Variants in ERBB4 observed in about 807,000 individuals in gnomAD.
ERBB4 encodes the protein receptor tyrosine-protein kinase erbB-4.
In ERBB4, 42 loss-of-function variants were observed where a neutral mutation model predicts 158.0. The ratio of observed to expected loss-of-function variants is 0.27; its 90% CI spans 0.21 to 0.34. The LOEUF (loss-of-function observed/expected upper bound fraction) is 0.34. Ranked by LOEUF, ERBB4 falls within the 10% of genes least tolerant of loss-of-function variation. The pLI, the probability that ERBB4 is intolerant of heterozygous loss-of-function variation, is 1.00. For synonymous variants in ERBB4, 583 were observed against 558.7 expected (o/e 1.04, Z -0.61); for missense variants, 1,333 against 1,624.1 (o/e 0.82, Z 3.08).
At position 211,501,037 on chromosome 2, in the gene ERBB4, C is replaced by A. The variant is rs558045964; in HGVS notation, c.2487+60866G>T. 2.0e-5 allele frequency among the ~76,000 whole-genome samples: 3 copies of A among 151,858 alleles called. No individual in the cohort carries two copies. In the South Asian group the frequency reaches 6.2e-4, roughly 32 times the overall value. On this transcript the variant is annotated intron_variant, in intron 20 of 27. Coordinates refer to ENST00000342788, the MANE Select transcript of ERBB4 (RefSeq NM_005235.3). ...AAGGCCATTGTTTGTTCATTATGTG[C>A]AATTCCATTAAGAACATTACCTAGT...
At chr2:212,197,227 T>A (rs773202343) in intron 1 of ERBB4, among the ~76,000 whole-genome samples, 3 of 152,188 alleles carry the variant, frequency 2.0e-5, no homozygotes, top group Non-Finnish European at 4.4e-5. Context: ...TAGAAACATA[T>A]TCAATTGCCT....
At position 211,383,469 on chromosome 2, in the gene ERBB4, C is replaced by A; in HGVS notation, c.*146G>T. The stretch of plus-strand genomic sequence containing the variant: ...CTCTAATGTTCAAGTTAGGTAAGCA[C>A]ATAACTATCATTGCATCTCTGTATC... On this transcript the variant is annotated 3_prime_UTR_variant, in exon 28 of 28. Transcript: ENST00000342788. 1 of 685,560 alleles carries A rather than the reference C, an allele frequency of 1.5e-6. No individual in the cohort carries two copies. Among genetic ancestry groups the A allele is most frequent in the Non-Finnish European group, 2.6e-6 (1 of 385,604 alleles). 42.5% of individuals were successfully genotyped at this position (685,560 alleles called of 1,614,324 possible). A position where few individuals can be genotyped will look rare whatever the true frequency, so the allele number is the denominator to read the frequency against.
intron 2 of ERBB4, among the ~76,000 whole-genome samples, chr2:212,064,678 G>T (rs188853973): frequency 6.6e-6 from 1 of 152,014 alleles, no homozygotes; most frequent in South Asian, 2.1e-4. Context: ...GTTTACTTTC[G>T]CAAACTAGAG....
chr2:211,857,896 T>C (rs1427927566), intron 3 of ERBB4, among the ~76,000 whole-genome samples: 1 of 152,164 alleles, frequency 6.6e-6, no homozygotes, highest in Non-Finnish European at 1.5e-5. Flanking sequence ...AGCACACGGG[T>C]AAGGATCTCA....
At chr2:212,021,743 G>C (rs1012311430) in intron 2 of ERBB4, among the ~76,000 whole-genome samples, 3 of 151,992 alleles carry the variant, frequency 2.0e-5, no homozygotes, top group Non-Finnish European at 4.4e-5. Context: ...AAACTAAAAA[G>C]CTTCTGCAAA....
At chr2:211,853,186 G>C (rs1047369004) in intron 3 of ERBB4, among the ~76,000 whole-genome samples, 3 of 151,972 alleles carry the variant, frequency 2.0e-5, no homozygotes, top group African/African-American at 7.2e-5. Context: ...TGGAAATAGA[G>C]ATCAGATTCT....
chr2:212,428,013 T>C (rs1441526905), intron 1 of ERBB4, among the ~76,000 whole-genome samples: 1 of 152,130 alleles, frequency 6.6e-6, no homozygotes, highest in Admixed American at 6.6e-5. Flanking sequence ...AATAATGTCT[T>C]TATATTGAAG....
At chr2:212,286,218 AAACATT>A (rs1213236105) in intron 1 of ERBB4, among the ~76,000 whole-genome samples, 4 of 152,212 alleles carry the variant, frequency 2.6e-5, no homozygotes, top group Admixed American at 6.5e-5. Flanking sequence ...CTGAAGCATT[AAACATT>A]AACATTATTA....
At chr2:212,222,964 T>C (rs2083346246) in intron 1 of ERBB4, among the ~76,000 whole-genome samples, 1 of 151,500 alleles carries the variant, frequency 6.6e-6, no homozygotes. Context: ...ATGCATATGC[T>C]TTTGCTTTTT....
At chr2:212,208,764 C>T (rs1396369971) in intron 1 of ERBB4, among the ~76,000 whole-genome samples, 1 of 152,126 alleles carries the variant, frequency 6.6e-6, no homozygotes, top group Admixed American at 6.6e-5. Flanking sequence ...TCCTGTAACA[C>T]TTCCAGCCTT....
At chr2:212,254,697 C>A (rs1317403251) in intron 1 of ERBB4, among the ~76,000 whole-genome samples, 4 of 152,140 alleles carry the variant, frequency 2.6e-5, no homozygotes, top group African/African-American at 7.2e-5. Flanking sequence ...AACTTCCTAA[C>A]CTGCTTTCAC....
chr2:211,585,850 G>A (rs533043043), intron 19 of ERBB4, among the ~76,000 whole-genome samples: 1 of 152,156 alleles, frequency 6.6e-6, no homozygotes, highest in East Asian at 1.9e-4. Context: ...ATAAAGAGGA[G>A]ATAATTAAAG....
rs186250297 is a variant in ERBB4, at chr2:211,585,191, A to C, written c.2302-23103T>G. Among the ~76,000 whole-genome samples, 781 of 152,196 alleles carry C rather than the reference A, an allele frequency of 5.1e-3. 7 individuals are homozygous for C. The highest frequency in any genetic ancestry group is 0.018 in the African/African-American group (743 of 41,522). On this transcript the variant is annotated intron_variant, in intron 19 of 27. Transcript: ENST00000342788. ...CACGGTGAAACCCCGTCTCTACTAA[A>C]AATACAAAAAATTAGCTGGGCGTGG...
At position 212,422,423 on chromosome 2, in the gene ERBB4, G is replaced by A. The variant is rs527460628; in HGVS notation, c.82+116026C>T. ...TATGGCAGGAGAACTGCTTGAACCCGGGAGGCAGAGGTTGCAGCGAGCTGA... is the reference window on the plus strand; with the variant it reads ...TATGGCAGGAGAACTGCTTGAACCCAGGAGGCAGAGGTTGCAGCGAGCTGA... On this transcript the variant is annotated intron_variant, in intron 1 of 27. Coordinates refer to ENST00000342788, the MANE Select transcript of ERBB4 (RefSeq NM_005235.3). Among the ~76,000 whole-genome samples the A allele has an allele frequency of 5.9e-5, 9 of 152,048 alleles. No individual in the cohort carries two copies. The South Asian group carries it at 6.2e-4, about 11-fold the overall frequency.
At chr2:212,105,631 A>G (rs1166459666) in intron 2 of ERBB4, among the ~76,000 whole-genome samples, 4 of 152,232 alleles carry the variant, frequency 2.6e-5, no homozygotes, top group Admixed American at 2.6e-4. Context: ...ATTTAAAATA[A>G]CATAGTTGCA....
In ERBB4 at chr2:211,629,602, T is replaced by C. The variant is rs558472434; in HGVS notation, c.2079+860A>G. On this transcript the variant is annotated intron_variant, in intron 17 of 27. Coordinates refer to ENST00000342788, the MANE Select transcript of ERBB4 (RefSeq NM_005235.3). ...CCGCATTGCCAAGTCAATCCTAAGC[T>C]AAAAGAACAAAGCTGGAGGCATCAC... is the stretch of plus-strand genomic sequence containing the variant. 2.8e-4 allele frequency among the ~76,000 whole-genome samples: 42 copies of C among 152,140 alleles called. 2 individuals are homozygous for C. In the South Asian group the frequency reaches 8.5e-3, roughly 31 times the overall value.
In ERBB4 at chr2:211,383,563, G is replaced by T. The variant is rs2062615584; in HGVS notation, c.*52C>A. 6.9e-7 allele frequency: 1 copy of T among 1,459,510 alleles called. No individual in the cohort carries two copies. The highest frequency in any genetic ancestry group is 9.6e-7 in the Non-Finnish European group (1 of 1,041,662). The allele number at this position is 1,459,510 out of a possible 1,614,324, so 90.4% of individuals were successfully genotyped here. Reference sequence around the variant, plus strand: ...AAGACCACCAGAGAAAGAGAGGGGGGTGGGGAAATTGGAGCAGGTGTGTCT... The same window carrying T: ...AAGACCACCAGAGAAAGAGAGGGGGTTGGGGAAATTGGAGCAGGTGTGTCT... On this transcript the variant is annotated 3_prime_UTR_variant, in exon 28 of 28. Transcript: ENST00000342788.
chr2:211,602,355 C>T (rs778782888), intron 19 of ERBB4, among the ~76,000 whole-genome samples: 26 of 152,122 alleles, frequency 1.7e-4, no homozygotes, highest in Non-Finnish European at 2.9e-4. Context: ...CACTCAGTGG[C>T]GTACTTTGCT....
At chr2:212,435,268 C>T (rs1282577740) in intron 1 of ERBB4, among the ~76,000 whole-genome samples, 1 of 151,952 alleles carries the variant, frequency 6.6e-6, no homozygotes, top group African/African-American at 2.4e-5. Context: ...AGGCCTATTA[C>T]CACACACCTT....
Sources: gnomAD v4.1 joint callset for allele counts (sites outside exome capture counted in the v4.1 genomes callset) on GRCh38, gnomAD v4.1.1 for gene constraint, MANE v1.5 for transcripts, NCBI Gene and HGNC (gene_info 2026-07-23, HGNC 2026-07-21) for gene names.